The following NRXN1 variants were observed in gnomAD, a reference collection of about 807,000 sequenced individuals.
NRXN1 encodes the protein neurexin 1.
Under a neutral mutation model 150.9 loss-of-function variants are expected in NRXN1, and 39 were observed. That is an observed-to-expected ratio of 0.26 (90% CI 0.20 to 0.34). NRXN1 has a LOEUF of 0.34. NRXN1 is among the 10% of genes least tolerant of loss of function. NRXN1 has a pLI of 1.00. For missense variants in NRXN1, 1,815 were observed against 1,949.9 expected, an observed-to-expected ratio of 0.93 and a Z score of 1.30; for synonymous variants, 924 against 757.0, an observed-to-expected ratio of 1.22 and a Z score of -3.62.
intron 17 of NRXN1, among the ~76,000 whole-genome samples, chr2:50,434,083 G>A (rs897966720): frequency 5.3e-5 from 6 of 114,146 alleles, no homozygotes; most frequent in African/African-American, 1.4e-4. Context: ...TTGAGACGGA[G>A]TCTTGCTCTG....
chr2:50,525,678 G>A (rs1260094764), intron 12 of NRXN1, among the ~76,000 whole-genome samples: 1 of 152,212 alleles, frequency 6.6e-6, no homozygotes, highest in Non-Finnish European at 1.5e-5. Flanking sequence ...ATTTGGCAGT[G>A]AAATGGCCAT....
intron 5 of NRXN1, among the ~76,000 whole-genome samples, chr2:50,730,962 C>T (rs1021829867): frequency 2.6e-5 from 4 of 152,100 alleles, no homozygotes; most frequent in Non-Finnish European, 2.9e-5. Context: ...CGTGAGCCAC[C>T]GCGCCCGGCC....
At chr2:50,658,476 T>C (rs1438150574) in intron 5 of NRXN1, among the ~76,000 whole-genome samples, 1 of 145,510 alleles carries the variant, frequency 6.9e-6, no homozygotes, top group Non-Finnish European at 1.5e-5. Flanking sequence ...AGGAAGAAAT[T>C]ATCTAAATTA....
intron 17 of NRXN1, among the ~76,000 whole-genome samples, chr2:50,423,551 A>G (rs77479272): frequency 0.028 from 4,237 of 152,262 alleles, 210 homozygotes; most frequent in African/African-American, 0.095. Flanking sequence ...ATTGCCCTAG[A>G]AAAGAGATAA....
At chr2:50,724,960 G>A (rs368067097) in intron 5 of NRXN1, among the ~76,000 whole-genome samples, 2 of 152,106 alleles carry the variant, frequency 1.3e-5, no homozygotes, top group African/African-American at 4.8e-5. Context: ...GGGTAGGCAC[G>A]ATTCTAGGTG....
At chr2:50,952,480 C>T (rs1691554728) in intron 2 of NRXN1, among the ~76,000 whole-genome samples, 1 of 152,036 alleles carries the variant, frequency 6.6e-6, no homozygotes. Context: ...GTTTGTCATG[C>T]CCAATTATTT....
At chr2:51,030,443 A>T (rs1386087858) in intron 1 of NRXN1, among the ~76,000 whole-genome samples, 1 of 151,828 alleles carries the variant, frequency 6.6e-6, no homozygotes, top group Non-Finnish European at 1.5e-5. Flanking sequence ...GTACAGAGCA[A>T]TCCCCACAGG....
At chr2:50,893,228 G>C (rs1466588389) in intron 5 of NRXN1, among the ~76,000 whole-genome samples, 1 of 152,154 alleles carries the variant, frequency 6.6e-6, no homozygotes, top group Non-Finnish European at 1.5e-5. Context: ...TGTGTTTATA[G>C]ATGTACATGC....
At chr2:50,421,043 C>T (rs1002108708) in intron 17 of NRXN1, among the ~76,000 whole-genome samples, 6 of 147,094 alleles carry the variant, frequency 4.1e-5, no homozygotes, top group African/African-American at 1.5e-4. Context: ...ATCCCTCTGG[C>T]CTACCATATT....
intron 5 of NRXN1, among the ~76,000 whole-genome samples, chr2:50,812,335 G>T (rs1212873961): frequency 6.6e-6 from 1 of 152,140 alleles, no homozygotes; most frequent in Non-Finnish European, 1.5e-5. Context: ...GGTTACATAT[G>T]TGACTTCCAA....
At chr2:50,188,939 C>A (rs2061268135) in intron 18 of NRXN1, among the ~76,000 whole-genome samples, 1 of 152,124 alleles carries the variant, frequency 6.6e-6, no homozygotes, top group African/African-American at 2.4e-5. Flanking sequence ...TTAGTTCAAC[C>A]ATTGTGGAAG....
intron 5 of NRXN1, among the ~76,000 whole-genome samples, chr2:50,888,377 G>C (rs111585252): frequency 6.6e-6 from 1 of 151,490 alleles, no homozygotes; most frequent in African/African-American, 2.4e-5. Context: ...TGTTTGCAAG[G>C]GTCTTATGCC....
At chr2:50,297,135 C>T (rs912769979) in intron 17 of NRXN1, among the ~76,000 whole-genome samples, 5 of 152,074 alleles carry the variant, frequency 3.3e-5, no homozygotes, top group East Asian at 3.9e-4. Flanking sequence ...GTGATGCACC[C>T]GCCTCAGCCT....
chr2:49,990,463 G>A (rs1681734967), intron 21 of NRXN1, among the ~76,000 whole-genome samples: 1 of 152,136 alleles, frequency 6.6e-6, no homozygotes, highest in African/African-American at 2.4e-5. Flanking sequence ...GCAGAATAAT[G>A]ACATAATTTT....
chr2:49,926,798 A>C, intron 22 of NRXN1, among the ~76,000 whole-genome samples: 1 of 152,174 alleles, frequency 6.6e-6, no homozygotes, highest in East Asian at 1.9e-4. Context: ...TCATTTCCTC[A>C]AATTAGAACA....
At chr2:50,926,025 G>A (rs1454208263) in intron 2 of NRXN1, 70 bp from the exon 3 acceptor site, 3 of 1,229,860 alleles carry the variant, frequency 2.4e-6, no homozygotes, top group Non-Finnish European at 3.5e-6. Context: ...ACTGGACCTT[G>A]CCTTTGCATG....
intron 18 of NRXN1, among the ~76,000 whole-genome samples, chr2:50,098,722 T>C (rs1057430292): frequency 2.0e-5 from 3 of 152,062 alleles, no homozygotes; most frequent in East Asian, 3.9e-4. Flanking sequence ...AACTGAATAA[T>C]GTCAGTTGTG....
intron 2 of NRXN1, among the ~76,000 whole-genome samples, chr2:50,989,240 C>G (rs1698180427): frequency 6.6e-6 from 1 of 151,844 alleles, no homozygotes; most frequent in African/African-American, 2.4e-5. Context: ...AGATTTTGTT[C>G]TTATATAAGA....
chr2:50,209,506 T>G (rs2062857364), intron 18 of NRXN1, among the ~76,000 whole-genome samples: 2 of 152,102 alleles, frequency 1.3e-5, no homozygotes, highest in South Asian at 4.1e-4. Context: ...CCCAAAACTG[T>G]AAAGGTGGAA....
Sources: allele counts gnomAD v4.1 joint callset (sites outside exome capture counted in the v4.1 genomes callset), GRCh38; gene constraint gnomAD v4.1.1; transcripts MANE v1.5; gene names NCBI Gene and HGNC (gene_info 2026-07-23, HGNC 2026-07-21).